The following HYDIN variants were observed in gnomAD, a reference collection of about 807,000 sequenced individuals.
The protein encoded by HYDIN is HYDIN axonemal central pair apparatus protein.
Under a neutral mutation model 403.9 loss-of-function variants are expected in HYDIN, and 132 were observed. That is an observed-to-expected ratio of 0.33 (90% CI 0.28 to 0.38). HYDIN has a LOEUF of 0.38. Among genes scored for constraint, HYDIN ranks in the 10% least tolerant of loss-of-function variants. HYDIN has a pLI of 1.00. For synonymous variants in HYDIN, 1,202 were observed against 1,891.7 expected, an observed-to-expected ratio of 0.64 and a Z score of 9.46; for missense variants, 2,827 against 5,009.5, an observed-to-expected ratio of 0.56 and a Z score of 13.15.
intron 3 of HYDIN, among the ~76,000 whole-genome samples, chr16:71,184,185 T>C (rs977122951): frequency 5.3e-5 from 8 of 152,124 alleles, no homozygotes; most frequent in African/African-American, 1.9e-4. Flanking sequence ...TGAAAAACTC[T>C]CAGGAATTTT....
At chr16:70,813,344 C>T (rs1383543771) in intron 84 of HYDIN, among the ~76,000 whole-genome samples, 109 of 151,768 alleles carry the variant, frequency 7.2e-4, no homozygotes, top group Non-Finnish European at 1.6e-4. Context: ...TAGGGAGAGG[C>T]CCGCATAGTG....
intron 23 of HYDIN, 58 bp from the exon 24 acceptor site, chr16:70,992,268 C>G: frequency 6.6e-7 from 1 of 1,510,842 alleles, no homozygotes. Flanking sequence ...TTTTGCAAAT[C>G]AGTGTTCAGT....
At chr16:71,102,955 T>G (rs1443726839) in intron 10 of HYDIN, among the ~76,000 whole-genome samples, 1 of 151,274 alleles carries the variant, frequency 6.6e-6, no homozygotes, top group Admixed American at 6.6e-5. Context: ...CACCCATTTA[T>G]ATACTTACTT....
At chr16:71,049,087 A>C (rs2081549526) in intron 18 of HYDIN, among the ~76,000 whole-genome samples, 2 of 152,306 alleles carry the variant, frequency 1.3e-5, no homozygotes, top group Admixed American at 1.3e-4. Flanking sequence ...ACTCCAAACC[A>C]AGATAAACAT....
At chr16:71,025,841 A>AAACCAT (rs1269389660) in intron 20 of HYDIN, among the ~76,000 whole-genome samples, 1 of 152,158 alleles carries the variant, frequency 6.6e-6, no homozygotes, top group Non-Finnish European at 1.5e-5. Flanking sequence ...TATAGTTCAA[A>AAACCAT]GGTGGTTATA....
intron 41 of HYDIN, among the ~76,000 whole-genome samples, chr16:70,951,599 C>T (rs1317601084): frequency 6.6e-6 from 1 of 152,004 alleles, no homozygotes. Context: ...CAAAGGAAGC[C>T]GGTTCTCTTC....
intron 10 of HYDIN, among the ~76,000 whole-genome samples, chr16:71,114,611 C>CACACATGCATGT (rs377659672): frequency 0.016 from 2,428 of 149,668 alleles, 75 homozygotes; most frequent in African/African-American, 0.055. Flanking sequence ...CTAGGAAATA[C>CACACATGCATGT]ACACATGCAT....
rs1368409123 is a variant in HYDIN, at chr16:71,027,589, G to T, written c.3042+13C>A. ...GGAAAAAACAATAGCTTCCAAATGT[G>T]CTATCCCCTTACCCTGGGAGTAGCA... On this transcript the variant is annotated intron_variant, in intron 20 of 85. Transcript: ENST00000393567. 1 of 1,614,088 alleles carries T rather than the reference G, an allele frequency of 6.2e-7. No homozygotes were observed. The highest frequency in any genetic ancestry group is 2.2e-5 in the East Asian group (1 of 44,856).
At chr16:70,922,107 G>C (rs1044989957) in intron 45 of HYDIN, among the ~76,000 whole-genome samples, 1 of 152,150 alleles carries the variant, frequency 6.6e-6, no homozygotes, top group Non-Finnish European at 1.5e-5. Flanking sequence ...CCAGCATCAG[G>C]CTTGGAGACA....
At chr16:70,907,591 G>A (rs971228211) in intron 49 of HYDIN, 100 bp from the exon 50 acceptor site, 2 of 350,328 alleles carry the variant, frequency 5.7e-6, no homozygotes, top group Non-Finnish European at 5.2e-6. Flanking sequence ...TGCTCAACAC[G>A]GGATCCGGGC....
At chr16:71,079,615 T>C (rs984969506) in intron 13 of HYDIN, among the ~76,000 whole-genome samples, 1 of 151,586 alleles carries the variant, frequency 6.6e-6, no homozygotes, top group Non-Finnish European at 1.5e-5. Flanking sequence ...GTATATAGCA[T>C]TTACATTAAC....
intron 10 of HYDIN, among the ~76,000 whole-genome samples, chr16:71,097,481 T>C (rs1256622023): frequency 8.7e-5 from 12 of 137,734 alleles, no homozygotes; most frequent in Admixed American, 6.0e-4. Context: ...TTTGCCTTGC[T>C]TTCCTAGGTG....
At chr16:71,022,492 T>C (rs1426301914) in intron 21 of HYDIN, among the ~76,000 whole-genome samples, 3 of 152,190 alleles carry the variant, frequency 2.0e-5, no homozygotes, top group Non-Finnish European at 4.4e-5. Flanking sequence ...ATTCTTCCTA[T>C]AGACAGGGTT....
rs1343165741 is a variant in HYDIN, at chr16:70,837,731, G to T, written c.13201C>A (p.Gln4401Lys). Residue 4401 changes from glutamine (Q) to lysine (K), a missense_variant, in exon 77 of 86, where the codon CAA (glutamine) becomes AAA (lysine). Gln to Lys is a moderately conservative substitution (Grantham distance 53, BLOSUM62 1). Transcript: ENST00000393567. ...LIPFEINGLSQQTVEIKGKGT... is the reference protein window; with the variant it reads ...LIPFEINGLSKQTVEIKGKGT... ...TTCCCTTTGATTTCGACTGTTTGTT[G>T]TGAGAGCCCATTGATTTCAAAGGGA... 2 of 1,613,940 alleles carry T rather than the reference G, an allele frequency of 1.2e-6. No individual in the cohort carries two copies.
At chr16:71,222,838 T>C (rs1050369139) in intron 1 of HYDIN, among the ~76,000 whole-genome samples, 3 of 152,134 alleles carry the variant, frequency 2.0e-5, no homozygotes, top group South Asian at 2.1e-4. Context: ...AAATAAATAA[T>C]AGATGACACA....
At chr16:70,843,149 G>A (rs1329227743) in intron 75 of HYDIN, among the ~76,000 whole-genome samples, 4 of 144,290 alleles carry the variant, frequency 2.8e-5, no homozygotes, top group East Asian at 2.0e-4. Context: ...CCACTAACTC[G>A]TTATCTAGCA....
chr16:71,135,688 CA>C (rs2084891283), intron 8 of HYDIN, among the ~76,000 whole-genome samples: 1 of 152,178 alleles, frequency 6.6e-6, no homozygotes, highest in African/African-American at 2.4e-5. Flanking sequence ...GTCGGGGAAC[CA>C]GGGCAAAGGA....
At chr16:70,922,866 C>T (rs113809321) in intron 45 of HYDIN, among the ~76,000 whole-genome samples, 19 of 139,012 alleles carry the variant, frequency 1.4e-4, no homozygotes, top group African/African-American at 4.0e-4. Flanking sequence ...TTTCTGGGCT[C>T]GGTAATTCTC....
chr16:70,863,179 G>C lies in HYDIN; in HGVS notation c.11475C>G (p.Phe3825Leu), dbSNP rs367684762. 4 of 1,612,870 alleles carry C rather than the reference G, an allele frequency of 2.5e-6. No homozygotes were observed. Among genetic ancestry groups the C allele is most frequent in the South Asian group, 1.1e-5 (1 of 90,840 alleles). The stretch of plus-strand genomic sequence containing the variant: ...GGACACGTCCTGAATTAATCACATC[G>C]AACCTGCAAATCGATCAGGGAGCAG... ...TLVYQTRVFE[F>L]DVINSGRVQL... Residue 3825 changes from phenylalanine (F) to leucine (L), a missense_variant, in exon 68 of 86, where the codon TTC becomes TTG. Phe to Leu is a conservative substitution (Grantham distance 22, BLOSUM62 0). Transcript: ENST00000393567.
Sources: allele counts gnomAD v4.1 joint callset (sites outside exome capture counted in the v4.1 genomes callset), GRCh38; gene constraint gnomAD v4.1.1; transcripts MANE v1.5; gene names NCBI Gene and HGNC (gene_info 2026-07-23, HGNC 2026-07-21).